Variants in RAPGEF6 observed in about 807,000 individuals in gnomAD.
RAPGEF6 encodes the protein PDZ domain containing guanine nucleotide exchange factor (GEF) 2.
RAPGEF6 carries 56 observed loss-of-function variants against 171.4 expected under a neutral mutation model. That is an observed-to-expected ratio of 0.33 (90% CI 0.26 to 0.41). RAPGEF6 has a LOEUF of 0.41. Among genes scored for constraint, RAPGEF6 ranks in the 10% least tolerant of loss-of-function variants. The pLI is 1.00. For missense variants in RAPGEF6, 1,674 were observed against 1,921.4 expected, an observed-to-expected ratio of 0.87 and a Z score of 2.41; for synonymous variants, 692 against 650.1, an observed-to-expected ratio of 1.06 and a Z score of -0.98.
chr5:131,552,114 G>A (rs1187837242), intron 5 of RAPGEF6, among the ~76,000 whole-genome samples: 2 of 152,006 alleles, frequency 1.3e-5, no homozygotes, highest in Non-Finnish European at 2.9e-5. Flanking sequence ...TGTAGGGAGT[G>A]AAATAGACAA....
rs115660341 is a variant in RAPGEF6 at position 131,587,732 on chromosome 5, C to A, written c.281+4651G>T. On this transcript the variant is annotated intron_variant, in intron 4 of 27. Transcript: ENST00000509018. Reference sequence around the variant, plus strand: ...CCCTCAAAGTGAGTAACAGAAACCTCTTTCCCAAGGTGAGTCATAGAAAGT... The same window carrying A: ...CCCTCAAAGTGAGTAACAGAAACCTATTTCCCAAGGTGAGTCATAGAAAGT... Among the ~76,000 whole-genome samples, 1,130 of 152,284 alleles carry A rather than the reference C, an allele frequency of 7.4e-3. 14 individuals carry two copies. Among genetic ancestry groups the A allele is most frequent in the African/African-American group, 0.026 (1,097 of 41,536 alleles).
chr5:131,598,953 A>C (rs1764063468), intron 3 of RAPGEF6, among the ~76,000 whole-genome samples: 1 of 152,236 alleles, frequency 6.6e-6, no homozygotes, highest in Non-Finnish European at 1.5e-5. Context: ...AATCTTGAAG[A>C]ACAAGCCTGA....
Position 131,503,098 on chromosome 5 carries a change from C to T in RAPGEF6, c.1254+1528G>A, listed in dbSNP as rs571461096. 5.9e-5 allele frequency among the ~76,000 whole-genome samples: 9 copies of T among 152,158 alleles called. No homozygotes were observed. The East Asian group carries it at 1.5e-3, about 26-fold the overall frequency. ...GATTACAGGCATGAGCCACCATGCC[C>T]GGCCCTGAATGGTTTTATTTTAGCA... is the stretch of plus-strand genomic sequence containing the variant. On this transcript the variant is annotated intron_variant, in intron 11 of 27. Transcript: ENST00000509018.
At chr5:131,606,031 A>G (rs1479335138) in intron 1 of RAPGEF6, among the ~76,000 whole-genome samples, 1 of 84,888 alleles carries the variant, frequency 1.2e-5, no homozygotes, top group Admixed American at 1.1e-4. Flanking sequence ...CTCCATCTCA[A>G]AAAAAAAAAA....
chr5:131,531,793 A>C (rs1018014245), intron 6 of RAPGEF6, among the ~76,000 whole-genome samples: 1 of 152,204 alleles, frequency 6.6e-6, no homozygotes, highest in Non-Finnish European at 1.5e-5. Context: ...AAAATGAAGC[A>C]AGTTAGAGTA....
At chr5:131,634,001 C>T (rs1472665602) in intron 1 of RAPGEF6, among the ~76,000 whole-genome samples, 1 of 152,114 alleles carries the variant, frequency 6.6e-6, no homozygotes, top group Non-Finnish European at 1.5e-5. Context: ...ATAATTTGAC[C>T]TATCATGGCT....
chr5:131,524,623 A>ATT (rs1292896901), intron 6 of RAPGEF6, among the ~76,000 whole-genome samples: 3 of 150,502 alleles, frequency 2.0e-5, no homozygotes, highest in African/African-American at 7.3e-5. Flanking sequence ...AGAGAGAGAG[A>ATT]GAGAGAGAGA....
chr5:131,449,887 G>A, intron 21 of RAPGEF6: 1 of 938,306 alleles, frequency 1.1e-6, no homozygotes, highest in Non-Finnish European at 1.6e-6. Flanking sequence ...GTTAGCAGAA[G>A]GCATTTGTCA....
chr5:131,627,754 T>C (rs116575648), intron 1 of RAPGEF6, among the ~76,000 whole-genome samples: 2 of 152,162 alleles, frequency 1.3e-5, no homozygotes, highest in Non-Finnish European at 2.9e-5. Context: ...TGAAGGTTCA[T>C]GACAACCCTG....
intron 20 of RAPGEF6, 142 bp from the exon 21 acceptor site, chr5:131,453,319 C>T (rs755563696): frequency 1.1e-5 from 15 of 1,373,102 alleles, no homozygotes; most frequent in Middle Eastern, 2.6e-4. Flanking sequence ...ACTGGTATAC[C>T]CATACATGGT....
intron 17 of RAPGEF6, 171 bp downstream of exon 17, chr5:131,472,416 G>A (rs1017258757): frequency 1.6e-5 from 13 of 791,798 alleles, no homozygotes; most frequent in Non-Finnish European, 2.4e-5. Context: ...TTTAGAGGAA[G>A]TACCATTCAA....
intron 21 of RAPGEF6, among the ~76,000 whole-genome samples, chr5:131,452,630 A>AT (rs374349439): frequency 0.011 from 1,491 of 140,502 alleles, 19 homozygotes; most frequent in African/African-American, 0.027. Context: ...TTGTTTGCTG[A>AT]TTTTTTTTTT....
At chr5:131,473,030 C>A (rs1204758551) in intron 16 of RAPGEF6, 1 of 314,634 alleles carries the variant, frequency 3.2e-6, no homozygotes, top group Non-Finnish European at 5.9e-6. Context: ...AGAAACTGAA[C>A]CTGAGTATTT....
chr5:131,468,844 T>C (rs931762522), intron 17 of RAPGEF6, among the ~76,000 whole-genome samples: 9 of 152,136 alleles, frequency 5.9e-5, no homozygotes, highest in Non-Finnish European at 1.3e-4. Flanking sequence ...AGTGGTATAT[T>C]AAGGATTGAA....
intron 1 of RAPGEF6, among the ~76,000 whole-genome samples, chr5:131,629,176 G>T (rs1293317296): frequency 6.6e-6 from 1 of 152,126 alleles, no homozygotes; most frequent in African/African-American, 2.4e-5. Flanking sequence ...CATCATTCCA[G>T]ATGCCATTAA....
chr5:131,492,832 T>A, intron 13 of RAPGEF6, 47 bp from the exon 14 acceptor site: 1 of 1,531,094 alleles, frequency 6.5e-7, no homozygotes, highest in Non-Finnish European at 9.0e-7. Context: ...TCTATTCCTA[T>A]AGGTTTTTAA....
At chr5:131,568,064 T>C (rs1027886961) in intron 4 of RAPGEF6, among the ~76,000 whole-genome samples, 1 of 152,224 alleles carries the variant, frequency 6.6e-6, no homozygotes. Flanking sequence ...ATTTGTGCTT[T>C]TACAGCTAAA....
intron 22 of RAPGEF6, among the ~76,000 whole-genome samples, chr5:131,442,952 T>A (rs916170412): frequency 1.2e-5 from 1 of 85,218 alleles, no homozygotes; most frequent in Non-Finnish European, 2.4e-5. Context: ...AAAACCTGGC[T>A]TTTTTTTTTG....
intron 1 of RAPGEF6, among the ~76,000 whole-genome samples, chr5:131,609,479 G>A (rs1764814187): frequency 1.3e-5 from 2 of 152,200 alleles, no homozygotes; most frequent in Non-Finnish European, 1.5e-5. Flanking sequence ...AAACATGGAA[G>A]AGGCACTGAA....
Sources: allele counts gnomAD v4.1 joint callset (sites outside exome capture counted in the v4.1 genomes callset), GRCh38; gene constraint gnomAD v4.1.1; transcripts MANE v1.5; gene names NCBI Gene and HGNC (gene_info 2026-07-23, HGNC 2026-07-21).